The following PRTG variants were observed in gnomAD, a reference collection of about 807,000 sequenced individuals.
The protein encoded by PRTG is protogenin.
In PRTG, 67 loss-of-function variants were observed where a neutral mutation model predicts 122.5. The observed-to-expected ratio is 0.55, with a 90% CI of 0.45 to 0.67. The LOEUF (loss-of-function observed/expected upper bound fraction) is 0.67. Ranked by LOEUF, PRTG falls within the 30% of genes least tolerant of loss-of-function variation. PRTG has a pLI of 0.00. For missense variants in PRTG, 1,435 were observed against 1,415.4 expected, an observed-to-expected ratio of 1.01 and a Z score of -0.22; for synonymous variants, 554 against 501.1, an observed-to-expected ratio of 1.11 and a Z score of -1.41.
Position 55,673,689 on chromosome 15 carries a change from GAAA to G in PRTG, c.1547-16_1547-14del. On this transcript the variant is annotated splice_polypyrimidine_tract_variant and intron_variant, in intron 9 of 19. Transcript: ENST00000389286. The stretch of plus-strand genomic sequence containing the variant: ...GGTCTCAGGGGAACTAGTCATAGAA[GAAA>G]TCAGGTTGTTTATAAATATTTAGAA... 1.9e-6 allele frequency: 3 copies of G among 1,604,778 alleles called. No homozygotes were observed. Among genetic ancestry groups the G allele is most frequent in the Non-Finnish European group, 2.6e-6 (3 of 1,172,514 alleles).
chr15:55,714,205 GTCTCTCTCTCTCTC>G (rs3049129), intron 2 of PRTG, among the ~76,000 whole-genome samples: 1 of 142,780 alleles, frequency 7.0e-6, no homozygotes, highest in South Asian at 2.3e-4. Flanking sequence ...CTATTTATCT[GTCTCTCTCTCTCTC>G]TCTCTCTCTC....
chr15:55,620,117 A>G lies in PRTG; in HGVS notation c.3348T>C (p.Asn1116=). ...CCCCAGTCTCATGGCTGCCTTCACT[A>G]TTTGCTGAATGTTCTGTATCAGCTG... ...GVAADTEHSA[N]SEGSHETGDS... Residue 1116 remains asparagine, a synonymous_variant, in exon 20 of 20, where the codon AAT becomes AAC. Coordinates refer to ENST00000389286, the MANE Select transcript of PRTG (RefSeq NM_173814.6). 1 of 1,614,170 alleles carries G rather than the reference A, an allele frequency of 6.2e-7. No homozygotes were observed. Among genetic ancestry groups the G allele is most frequent in the Non-Finnish European group, 8.5e-7 (1 of 1,180,034 alleles).
intron 2 of PRTG, among the ~76,000 whole-genome samples, chr15:55,738,002 C>CTCTCTATA (rs1248440584): frequency 1.2e-4 from 12 of 96,682 alleles, no homozygotes; most frequent in East Asian, 6.5e-4. Flanking sequence ...CTCTCTCTCT[C>CTCTCTATA]TATATATATA....
chr15:55,684,628 T>G lies in PRTG; in HGVS notation c.398-697A>C, dbSNP rs371014229. On this transcript the variant is annotated intron_variant, in intron 2 of 19. Transcript: ENST00000389286. ...AATGTGTGGGAAAAACTAATCAGGA[T>G]GGATAGAATAAAGGAGTCTCAAGTC... Among the ~76,000 whole-genome samples the G allele has an allele frequency of 3.9e-5, 6 of 152,210 alleles. No homozygotes were observed. In the South Asian group the frequency reaches 1.2e-3, roughly 32 times the overall value.
intron 11 of PRTG, among the ~76,000 whole-genome samples, chr15:55,656,806 G>A (rs1237069099): frequency 3.9e-5 from 6 of 152,202 alleles, no homozygotes; most frequent in Non-Finnish European, 7.4e-5. Flanking sequence ...GGCCAGAGCA[G>A]TATAATTGTC....
intron 2 of PRTG, among the ~76,000 whole-genome samples, chr15:55,733,054 TAA>T (rs1431332724): frequency 6.6e-6 from 1 of 151,722 alleles, no homozygotes; most frequent in Non-Finnish European, 1.5e-5. Context: ...ACCAAAAATA[TAA>T]AAATTAGCCG....
chr15:55,693,621 A>G (rs2141832220), intron 2 of PRTG, among the ~76,000 whole-genome samples: 1 of 152,296 alleles, frequency 6.6e-6, no homozygotes, highest in East Asian at 1.9e-4. Context: ...CATACATCTG[A>G]GTTAGAATCA....
intron 11 of PRTG, among the ~76,000 whole-genome samples, chr15:55,644,972 C>T (rs141315136): frequency 2.0e-5 from 3 of 152,214 alleles, no homozygotes; most frequent in East Asian, 3.9e-4. Context: ...AGCTGAGCAG[C>T]GGACAATGTG....
chr15:55,655,740 T>C (rs2141761338), intron 11 of PRTG: 1 of 152,410 alleles, frequency 6.6e-6, no homozygotes, highest in Admixed American at 6.5e-5. Flanking sequence ...ACTTATAGTA[T>C]ATACTGACTG....
rs1342218157 is a variant in PRTG, at chr15:55,673,694, C to G, written c.1547-18G>C. ...CAGGGGAACTAGTCATAGAAGAAATCAGGTTGTTTATAAATATTTAGAATC... is the reference window on the plus strand; with the variant it reads ...CAGGGGAACTAGTCATAGAAGAAATGAGGTTGTTTATAAATATTTAGAATC... On this transcript the variant is annotated intron_variant, in intron 9 of 19. Transcript: ENST00000389286. 3 of 1,600,898 alleles carry G rather than the reference C, an allele frequency of 1.9e-6. No individual in the cohort carries two copies. Among genetic ancestry groups the G allele is most frequent in the Non-Finnish European group, 2.6e-6 (3 of 1,169,684 alleles).
intron 2 of PRTG, among the ~76,000 whole-genome samples, chr15:55,718,861 G>A (rs1302506760): frequency 6.6e-6 from 1 of 151,966 alleles, no homozygotes; most frequent in East Asian, 1.9e-4. Context: ...ACCTGCCTCA[G>A]CCTCTCGAGT....
Position 55,661,263 on chromosome 15 carries a change from G to A in PRTG, c.2041+11182C>T, listed in dbSNP as rs1567087819. Among the ~76,000 whole-genome samples the A allele has an allele frequency of 2.6e-5, 4 of 152,202 alleles. No individual in the cohort carries two copies. The South Asian group carries it at 6.2e-4, about 24-fold the overall frequency. ...AGGACACTATGCCCAGGGTAACCTC[G>A]ACTCCAACTCTTCCAAAATCAGAGC... On this transcript the variant is annotated intron_variant, in intron 11 of 19. Transcript: ENST00000389286.
chr15:55,621,871 T>C, intron 18 of PRTG, among the ~76,000 whole-genome samples: 1 of 152,336 alleles, frequency 6.6e-6, no homozygotes, highest in East Asian at 1.9e-4. Flanking sequence ...AACTATGATA[T>C]TAACAATTAT....
chr15:55,727,635 A>C (rs2031081064), intron 2 of PRTG, among the ~76,000 whole-genome samples: 2 of 152,082 alleles, frequency 1.3e-5, no homozygotes, highest in African/African-American at 4.8e-5. Flanking sequence ...GTCTCTACTA[A>C]AAATACAAAA....
chr15:55,626,856 A>G (rs1415415162), intron 17 of PRTG, 152 bp downstream of exon 17: 4 of 494,404 alleles, frequency 8.1e-6, no homozygotes, highest in Non-Finnish European at 1.0e-5. Context: ...GCACATTTCT[A>G]TAGCTGTAAG....
At chr15:55,686,945 C>T (rs1004087948) in intron 2 of PRTG, among the ~76,000 whole-genome samples, 1 of 152,218 alleles carries the variant, frequency 6.6e-6, no homozygotes, top group Non-Finnish European at 1.5e-5. Context: ...CCTCTGTACA[C>T]TGCAGACCTT....
At chr15:55,729,711 T>C (rs1052158011) in intron 2 of PRTG, among the ~76,000 whole-genome samples, 12 of 152,232 alleles carry the variant, frequency 7.9e-5, no homozygotes, top group Non-Finnish European at 2.9e-5. Context: ...CACTATGTCC[T>C]GTTTCCATGC....
intron 2 of PRTG, among the ~76,000 whole-genome samples, chr15:55,719,100 T>C (rs1271886806): frequency 5.9e-5 from 9 of 152,188 alleles, no homozygotes; most frequent in African/African-American, 2.2e-4. Context: ...TCTATAAACA[T>C]ACATACTTTT....
chr15:55,662,378 G>A (rs958410459), intron 11 of PRTG, among the ~76,000 whole-genome samples: 2 of 152,008 alleles, frequency 1.3e-5, no homozygotes, highest in African/African-American at 4.8e-5. Flanking sequence ...GCATTCAACT[G>A]GGTTACAAAA....
Sources: allele counts gnomAD v4.1 joint callset (sites outside exome capture counted in the v4.1 genomes callset), GRCh38; gene constraint gnomAD v4.1.1; transcripts MANE v1.5; gene names NCBI Gene and HGNC (gene_info 2026-07-23, HGNC 2026-07-21).